The following SPAG16 variants were observed in gnomAD, a reference collection of about 807,000 sequenced individuals.
SPAG16 encodes the protein sperm associated antigen 16.
A neutral mutation model predicts 80.4 loss-of-function variants in SPAG16; 86 were observed. The ratio of observed to expected loss-of-function variants is 1.07; its 90% CI spans 0.90 to 1.28. SPAG16 has a LOEUF of 1.28. Ranked by LOEUF, SPAG16 falls within the 50% of genes most tolerant of loss-of-function variation. SPAG16 has a pLI of 0.00. For synonymous variants in SPAG16, 294 were observed against 265.9 expected, an observed-to-expected ratio of 1.11 and a Z score of -1.03; for missense variants, 870 against 765.3, an observed-to-expected ratio of 1.14 and a Z score of -1.61.
rs186654096 is a variant in SPAG16 at position 214,337,865 on chromosome 2, A to C, written c.1721-72275A>C. ...GTGTTAAATATTTCTACTTGAAAAC[A>C]AGACAATAAACCAGGTGACTAAAGA... On this transcript the variant is annotated intron_variant, in intron 15 of 15. Coordinates refer to ENST00000331683, the MANE Select transcript of SPAG16 (RefSeq NM_024532.5). Among the ~76,000 whole-genome samples, 61 of 152,302 alleles carry C rather than the reference A, an allele frequency of 4.0e-4. No individual in the cohort carries two copies. The East Asian group carries it at 8.5e-3, about 21-fold the overall frequency.
intron 10 of SPAG16, among the ~76,000 whole-genome samples, chr2:213,668,020 A>C (rs1488484079): frequency 6.6e-6 from 1 of 151,856 alleles, no homozygotes; most frequent in Non-Finnish European, 1.5e-5. Context: ...GGCTCACTGC[A>C]ACCTCCGCCT....
intron 10 of SPAG16, among the ~76,000 whole-genome samples, chr2:213,645,335 G>A (rs1249213448): frequency 6.6e-6 from 1 of 151,930 alleles, no homozygotes; most frequent in Non-Finnish European, 1.5e-5. Flanking sequence ...AGTCTGCTTG[G>A]TGCTCTGCCT....
intron 9 of SPAG16, among the ~76,000 whole-genome samples, chr2:213,397,358 A>G (rs889313597): frequency 1.3e-5 from 2 of 152,186 alleles, no homozygotes; most frequent in African/African-American, 4.8e-5. Flanking sequence ...TGAAAGTCAG[A>G]TAAGTGTCCC....
At chr2:213,961,589 T>G (rs1224736693) in intron 12 of SPAG16, among the ~76,000 whole-genome samples, 1 of 151,762 alleles carries the variant, frequency 6.6e-6, no homozygotes, top group African/African-American at 2.4e-5. Flanking sequence ...ACCCTAGTTT[T>G]TTTTTTTTTT....
At chr2:214,025,533 A>G (rs1292720992) in intron 13 of SPAG16, among the ~76,000 whole-genome samples, 1 of 151,648 alleles carries the variant, frequency 6.6e-6, no homozygotes, top group Non-Finnish European at 1.5e-5. Flanking sequence ...GTAGTACCAC[A>G]TGTTAATTAT....
chr2:213,765,888 A>G (rs2068913087), intron 10 of SPAG16, among the ~76,000 whole-genome samples: 1 of 152,178 alleles, frequency 6.6e-6, no homozygotes, highest in Admixed American at 6.5e-5. Context: ...TAGGTTTAGG[A>G]CAATAGGATT....
At chr2:214,120,113 A>G (rs112397844) in intron 14 of SPAG16, among the ~76,000 whole-genome samples, 49 of 151,886 alleles carry the variant, frequency 3.2e-4, no homozygotes, top group African/African-American at 1.0e-3. Flanking sequence ...GTTATTAAAT[A>G]TTGTGTTTTG....
At chr2:213,691,072 C>T (rs564277293) in intron 10 of SPAG16, among the ~76,000 whole-genome samples, 27 of 152,260 alleles carry the variant, frequency 1.8e-4, no homozygotes, top group African/African-American at 6.5e-4. Context: ...TTAAAGGCCC[C>T]ACCTCTTAAT....
intron 15 of SPAG16, among the ~76,000 whole-genome samples, chr2:214,405,193 G>T (rs1287163147): frequency 1.3e-5 from 2 of 151,982 alleles, no homozygotes; most frequent in Non-Finnish European, 2.9e-5. Flanking sequence ...GGTGGGAATA[G>T]CTCACTGCAG....
chr2:214,236,972 G>A (rs191019063), intron 15 of SPAG16, among the ~76,000 whole-genome samples: 2,512 of 152,260 alleles, frequency 0.016, 43 homozygotes, highest in African/African-American at 0.038. Flanking sequence ...ATTCTCCCCA[G>A]AGTGACATCT....
chr2:213,678,308 C>T (rs1369400687), intron 10 of SPAG16, among the ~76,000 whole-genome samples: 1 of 150,600 alleles, frequency 6.6e-6, no homozygotes, highest in Non-Finnish European at 1.5e-5. Flanking sequence ...AAAAACCCTT[C>T]AAAAAATTAA....
At chr2:214,310,939 G>A (rs1465047330) in intron 15 of SPAG16, among the ~76,000 whole-genome samples, 2 of 152,142 alleles carry the variant, frequency 1.3e-5, no homozygotes, top group Non-Finnish European at 2.9e-5. Context: ...CCCGTTCTAT[G>A]TACAAGCCTA....
At chr2:213,437,896 G>A (rs1445519461) in intron 9 of SPAG16, among the ~76,000 whole-genome samples, 1 of 152,098 alleles carries the variant, frequency 6.6e-6, no homozygotes, top group African/African-American at 2.4e-5. Context: ...GGTTCTTTTG[G>A]TTGCAAGTGG....
intron 11 of SPAG16, among the ~76,000 whole-genome samples, chr2:213,875,525 AGGAGT>A (rs1200468205): frequency 6.6e-6 from 1 of 152,172 alleles, no homozygotes; most frequent in East Asian, 1.9e-4. Context: ...GAGGCTTCAT[AGGAGT>A]GGTTGCAGTG....
At chr2:213,714,415 T>A (rs1175013799) in intron 10 of SPAG16, among the ~76,000 whole-genome samples, 1 of 152,158 alleles carries the variant, frequency 6.6e-6, no homozygotes, top group Non-Finnish European at 1.5e-5. Context: ...CTTTTTTTTC[T>A]TCCTCCTCTT....
At chr2:214,259,083 C>A (rs940523774) in intron 15 of SPAG16, among the ~76,000 whole-genome samples, 9 of 151,166 alleles carry the variant, frequency 6.0e-5, no homozygotes, top group Admixed American at 3.3e-4. Context: ...CATTTTTTTT[C>A]TTAGTATATC....
intron 15 of SPAG16, among the ~76,000 whole-genome samples, chr2:214,169,977 G>A (rs929221399): frequency 7.2e-5 from 11 of 151,968 alleles, no homozygotes; most frequent in African/African-American, 2.7e-4. Context: ...TCTGGTTTGA[G>A]TTCATCAAAG....
At chr2:213,630,104 C>G (rs1471193676) in intron 10 of SPAG16, among the ~76,000 whole-genome samples, 1 of 152,206 alleles carries the variant, frequency 6.6e-6, no homozygotes, top group Non-Finnish European at 1.5e-5. Flanking sequence ...ATGTTTCTGG[C>G]TGGGCACAGT....
At chr2:213,605,230 T>G (rs1383241988) in intron 10 of SPAG16, among the ~76,000 whole-genome samples, 1 of 151,686 alleles carries the variant, frequency 6.6e-6, no homozygotes, top group African/African-American at 2.4e-5. Flanking sequence ...TGAAGCAAAA[T>G]CAGACACTTT....
Sources: gnomAD v4.1 joint callset for allele counts (sites outside exome capture counted in the v4.1 genomes callset) on GRCh38, gnomAD v4.1.1 for gene constraint, MANE v1.5 for transcripts, NCBI Gene and HGNC (gene_info 2026-07-23, HGNC 2026-07-21) for gene names.